Variants in QTRT1 observed in about 807,000 individuals in gnomAD.
QTRT1 encodes the protein TGT, 43-KD subunit.
Under a neutral mutation model 44.0 loss-of-function variants are expected in QTRT1, and 41 were observed. The ratio of observed to expected loss-of-function variants is 0.93; its 90% confidence interval spans 0.73 to 1.21. The LOEUF (loss-of-function observed/expected upper bound fraction) is 1.21. Ranked by LOEUF, QTRT1 falls within the 50% of genes most tolerant of loss-of-function variation. QTRT1 has a pLI of 0.00. For missense variants in QTRT1, 542 were observed against 575.8 expected (o/e 0.94, Z 0.60); for synonymous variants, 226 against 237.1 (o/e 0.95, Z 0.43).
chr19:10,706,521 T>C (rs1045428007), intron 3 of QTRT1, among the ~76,000 whole-genome samples: 3 of 151,770 alleles, frequency 2.0e-5, no homozygotes, highest in African/African-American at 7.3e-5. Context: ...TACAGGAATA[T>C]ACCACCACGC....
Position 10,701,935 on chromosome 19 carries a change from C to T in QTRT1, c.244-15C>T, listed in dbSNP as rs375666573. The T allele has an allele frequency of 1.2e-6, 2 of 1,613,984 alleles. No individual in the cohort carries two copies. Among genetic ancestry groups the T allele is most frequent in the Admixed American group, 1.7e-5 (1 of 60,002 alleles). On this transcript the variant is annotated splice_polypyrimidine_tract_variant and intron_variant, in intron 1 of 9. Transcript: ENST00000250237. ...GCGGTCACCCCTAACCTGACACTTT[C>T]TTCCATCAACCCAGGGACCCGAGCT...
rs562997756 is a variant in QTRT1, at chr19:10,701,764, G to A, written c.243+61G>A. 6 of 1,555,454 alleles carry A rather than the reference G, an allele frequency of 3.9e-6. No homozygotes were observed. In the African/African-American group the frequency reaches 5.4e-5, roughly 14 times the overall value. ...GCGGCGAGGCGTGGGGAGCCATGGA[G>A]CGTCCTCCAGGCCCGGACACTCCTC... On this transcript the variant is annotated intron_variant, in intron 1 of 9. Transcript: ENST00000250237.
chr19:10,712,070 C>T lies in QTRT1; in HGVS notation c.647-91C>T, dbSNP rs1382204286. The T allele has an allele frequency of 5.9e-6, 9 of 1,523,458 alleles. No homozygotes were observed. The highest frequency in any genetic ancestry group is 3.4e-5 in the South Asian group (3 of 89,256). 94.4% of individuals were successfully genotyped at this position (1,523,458 alleles called of 1,614,324 possible). A position where few individuals can be genotyped will look rare whatever the true frequency, so the allele number is the denominator to read the frequency against. ...CTGTTTCTCTGACTCTCTCCCTGAG[C>T]GACTCTGGAAGTCTGGGCAGGGTGT... On this transcript the variant is annotated intron_variant, in intron 5 of 9. Transcript: ENST00000250237. This position sits in a 1 kb window ranked among gnomAD's most constrained non-coding sequence, Gnocchi z 5.6.
At chr19:10,703,045 A>G (rs2068697537) in intron 3 of QTRT1, among the ~76,000 whole-genome samples, 1 of 141,032 alleles carries the variant, frequency 7.1e-6, no homozygotes, top group African/African-American at 2.7e-5. Flanking sequence ...CTGGGATTCC[A>G]GGCGTGAGCC....
chr19:10,710,582 T>C (rs984067945), intron 5 of QTRT1, among the ~76,000 whole-genome samples: 2 of 152,004 alleles, frequency 1.3e-5, no homozygotes, highest in Non-Finnish European at 2.9e-5. Context: ...CCCAAAGTGC[T>C]GGGATTACAG....
rs2068693468 is a variant in QTRT1, at chr19:10,702,228, A to T, written c.425A>T (p.Lys142Ile). Reference sequence around the variant, plus strand: ...AATGAGACCCTGCTGAGCCCGGAGAAATCCGTGCAGATCCAGAATGCGCTG... The same window carrying T: ...AATGAGACCCTGCTGAGCCCGGAGATATCCGTGCAGATCCAGAATGCGCTG... ...DGNETLLSPE[K>I]SVQIQNALGS... Residue 142 changes from lysine to isoleucine, a missense_variant, in exon 3 of 10, where the codon AAA (lysine) becomes ATA (isoleucine). Coordinates refer to ENST00000250237, the MANE Select transcript of QTRT1 (RefSeq NM_031209.3). 1 of 1,613,968 alleles carries T rather than the reference A, an allele frequency of 6.2e-7. No homozygotes were observed. Among genetic ancestry groups the T allele is most frequent in the African/African-American group, 1.3e-5 (1 of 74,878 alleles).
intron 5 of QTRT1, chr19:10,711,928 T>C (rs933150933): frequency 1.7e-6 from 1 of 602,504 alleles, no homozygotes; most frequent in African/African-American, 1.9e-5. Context: ...TCAATAAATG[T>C]TAGCTGAGAT....
Position 10,713,212 on chromosome 19 carries a change from C to T in QTRT1, c.1154C>T (p.Thr385Ile), listed in dbSNP as rs148155872. 1 of 1,607,430 alleles carries T rather than the reference C, an allele frequency of 6.2e-7. No homozygotes were observed. The highest frequency in any genetic ancestry group is 8.5e-7 in the Non-Finnish European group (1 of 1,176,902). ...DFMGAMYGDP[T>I]LCPTWATDAL... ...ATGGGCGCCATGTACGGGGATCCCACCCTCTGTCCCACCTGGGCCACTGAC... is the reference window on the plus strand; with the variant it reads ...ATGGGCGCCATGTACGGGGATCCCATCCTCTGTCCCACCTGGGCCACTGAC... Residue 385 changes from threonine (T) to isoleucine (I), a missense_variant, in exon 10 of 10, where the codon ACC becomes ATC. Physicochemically the swap from Thr to Ile is moderately conservative, Grantham distance 89 (BLOSUM62 -1). Transcript: ENST00000250237. This position sits in a 1 kb window ranked among gnomAD's most constrained non-coding sequence, Gnocchi z 4.3.
rs200856404 is a variant in QTRT1 at position 10,707,597 on chromosome 19, C to T, written c.628C>T (p.Arg210Trp). The T allele has an allele frequency of 1.7e-5, 27 of 1,606,384 alleles. No individual in the cohort carries two copies. Among genetic ancestry groups the T allele is most frequent in the East Asian group, 4.5e-5 (2 of 44,764 alleles). ...IIQGGLDADL[R>W]ATCLEEMTKR... is the part of the protein sequence containing the mutation. ...CCAGGGTGGGCTGGACGCAGATCTC[C>T]GGGCCACCTGCCTTGAAGGTAGAGC... Residue 210 changes from arginine to tryptophan, a missense_variant, in exon 5 of 10, where the codon CGG becomes TGG. Coordinates refer to ENST00000250237, the MANE Select transcript of QTRT1 (RefSeq NM_031209.3).
rs568561273 is a variant in QTRT1 at position 10,712,782 on chromosome 19, A to G, written c.886A>G (p.Thr296Ala). The G allele has an allele frequency of 1.9e-6, 3 of 1,613,818 alleles. No individual in the cohort carries two copies. The highest frequency in any genetic ancestry group is 1.7e-6 in the Non-Finnish European group (2 of 1,179,964). The change falls in exon 8 of 10, where the codon ACT becomes GCT. Residue 296 changes from threonine (T) to alanine (A), a missense_variant. Coordinates refer to ENST00000250237, the MANE Select transcript of QTRT1 (RefSeq NM_031209.3). The surrounding 1 kb of genome is among the most constrained non-coding windows in gnomAD (Gnocchi z 5.6). Reference protein sequence around the residue: ...TARFGSALVPTGNLQLRKKVF... With the variant: ...TARFGSALVPAGNLQLRKKVF... ...GCGCTTTGGCTCTGCCCTGGTGCCCACTGGGAACCTGCAGTTGAGGAAGAA... is the reference window on the plus strand; with the variant it reads ...GCGCTTTGGCTCTGCCCTGGTGCCCGCTGGGAACCTGCAGTTGAGGAAGAA...
chr19:10,707,254 C>G (rs1276568106), intron 3 of QTRT1, 48 bp from the exon 4 acceptor site: 1 of 1,594,350 alleles, frequency 6.3e-7, no homozygotes, highest in South Asian at 1.1e-5. Flanking sequence ...AGGCTTTCCC[C>G]AAGCATTGCG....
In QTRT1 at chr19:10,704,021, A is replaced by AT. The variant is rs542158615; in HGVS notation, c.451+1772dup. Among the ~76,000 whole-genome samples, 392 of 148,820 alleles carry AT rather than the reference A, an allele frequency of 2.6e-3. 1 individual carries two copies. The highest frequency in any genetic ancestry group is 9.3e-3 in the African/African-American group (374 of 40,288). On this transcript the variant is annotated intron_variant, in intron 3 of 9. Coordinates refer to ENST00000250237, the MANE Select transcript of QTRT1 (RefSeq NM_031209.3). ...CCACCACGCCCAGCTAGTTTTTTGT[A>AT]TTTTTAGTAGAGACAGGGTTTCGCC...
chr19:10,705,105 G>A (rs1396582117), intron 3 of QTRT1, among the ~76,000 whole-genome samples: 1 of 150,948 alleles, frequency 6.6e-6, no homozygotes, highest in Non-Finnish European at 1.5e-5. Flanking sequence ...AGTAGAGACG[G>A]GGTTTCACCT....
At chr19:10,701,801 C>G in intron 1 of QTRT1, 98 bp downstream of exon 1, 1 of 1,568,358 alleles carries the variant, frequency 6.4e-7, no homozygotes, top group Non-Finnish European at 8.6e-7. Context: ...CAAAGTCAAT[C>G]GACCAGCTGT....
intron 3 of QTRT1, 99 bp downstream of exon 3, chr19:10,702,353 C>T: frequency 7.3e-7 from 1 of 1,367,388 alleles, no homozygotes; most frequent in Non-Finnish European, 1.0e-6. Context: ...TTGAGCAGGT[C>T]ACTCCTCGCT....
rs548610180 is a variant in QTRT1, at chr19:10,710,253, GCTAA to G, written c.647-1905_647-1902del. Among the ~76,000 whole-genome samples, 62 of 152,170 alleles carry G rather than the reference GCTAA, an allele frequency of 4.1e-4. 1 individual carries two copies. In the South Asian group the frequency reaches 0.01, roughly 25 times the overall value. ...TGAAAAATTTGCAACTCATTTCATG[GCTAA>G]CTTAGATCTCTCATTTTTTATCCCA... On this transcript the variant is annotated intron_variant, in intron 5 of 9. Coordinates refer to ENST00000250237, the MANE Select transcript of QTRT1 (RefSeq NM_031209.3).
At position 10,701,681 on chromosome 19, in the gene QTRT1, C is replaced by G; in HGVS notation, c.221C>G (p.Thr74Ser). ...ALGCRICLGN[T>S]YHLGLRPGPE... is the part of the protein sequence containing the mutation. ...GGTTGCCGCATCTGCCTGGGCAATA[C>G]CTACCATCTGGGTCTAAGGCCGGTG... The change falls in exon 1 of 10, where the codon ACC becomes AGC. Residue 74 changes from threonine to serine, a missense_variant. Transcript: ENST00000250237. The G allele has an allele frequency of 6.3e-7, 1 of 1,585,100 alleles. No individual in the cohort carries two copies. Among genetic ancestry groups the G allele is most frequent in the Non-Finnish European group, 8.6e-7 (1 of 1,166,712 alleles).
At chr19:10,702,862 C>T (rs1220959900) in intron 3 of QTRT1, among the ~76,000 whole-genome samples, 14 of 145,690 alleles carry the variant, frequency 9.6e-5, no homozygotes, top group African/African-American at 2.3e-4. Flanking sequence ...CTCTGCCTCC[C>T]GGGTTCAAGT....
Position 10,712,508 on chromosome 19 carries a change from G to T in QTRT1, c.786-45G>T. The T allele has an allele frequency of 6.4e-7, 1 of 1,564,722 alleles. No individual in the cohort carries two copies. On this transcript the variant is annotated intron_variant, in intron 6 of 9. Coordinates refer to ENST00000250237, the MANE Select transcript of QTRT1 (RefSeq NM_031209.3). The surrounding 1 kb of genome is among the most constrained non-coding windows in gnomAD (Gnocchi z 5.6). ...TGAGGGTTGGGAGGGGCCCTGGGAA[G>T]CCCCTGAGGTTCTCTGCCCCCTCCC...
Sources: gnomAD v4.1 joint callset for allele counts (sites outside exome capture counted in the v4.1 genomes callset) on GRCh38, gnomAD v4.1.1 for gene constraint, Gnocchi (gnomAD v3.1) non-coding constraint, MANE v1.5 for transcripts, NCBI Gene and HGNC (gene_info 2026-07-23, HGNC 2026-07-21) for gene names.